CA6: variants seen among roughly 807,000 people sequenced by gnomAD.
CA6 encodes the protein carbonic anhydrase 6.
In CA6, 28 loss-of-function variants were observed where a neutral mutation model predicts 35.9. The ratio of observed to expected loss-of-function variants is 0.78; its 90% CI spans 0.58 to 1.07. The LOEUF is 1.07. Among genes scored for constraint, CA6 ranks in the 50% least tolerant of loss-of-function variants. The pLI is 0.00. For synonymous variants in CA6, 148 were observed against 152.6 expected (o/e 0.97, Z 0.22); for missense variants, 377 against 382.0 (o/e 0.99, Z 0.11).
chr1:8,953,736 G>A (rs1260434554), intron 2 of CA6, among the ~76,000 whole-genome samples: 1 of 152,172 alleles, frequency 6.6e-6, no homozygotes, highest in Non-Finnish European at 1.5e-5. Flanking sequence ...AGTAATGTCA[G>A]AGGCGTTTGA....
chr1:8,966,890 GT>G (rs1440653023), intron 5 of CA6, among the ~76,000 whole-genome samples: 1 of 152,042 alleles, frequency 6.6e-6, no homozygotes, highest in Admixed American at 6.6e-5. Flanking sequence ...GCTGGGCTTG[GT>G]TTCCAGCGGT....
intron 7 of CA6, among the ~76,000 whole-genome samples, 158 bp downstream of exon 7, chr1:8,971,139 G>T (rs1230671740): frequency 6.6e-6 from 1 of 152,070 alleles, no homozygotes; most frequent in Non-Finnish European, 1.5e-5. Context: ...TGGGCAGAGG[G>T]TGATGACTTT....
intron 1 of CA6, among the ~76,000 whole-genome samples, chr1:8,947,188 C>T (rs1639388462): frequency 1.3e-5 from 2 of 152,082 alleles, no homozygotes; most frequent in South Asian, 2.1e-4. Context: ...AGCTAGAAGG[C>T]CGTGTCTGTG....
chr1:8,967,024 T>C (rs1457186520), intron 5 of CA6, among the ~76,000 whole-genome samples: 1 of 151,960 alleles, frequency 6.6e-6, no homozygotes, highest in Non-Finnish European at 1.5e-5. Flanking sequence ...GGCCTCCCTG[T>C]GTTGCCCAGG....
chr1:8,946,124 G>A (rs978476859), intron 1 of CA6, among the ~76,000 whole-genome samples, 159 bp downstream of exon 1: 2 of 151,498 alleles, frequency 1.3e-5, no homozygotes, highest in South Asian at 2.1e-4. Context: ...TGCAACCTCC[G>A]CCTCCCGGGT....
chr1:8,957,261 G>C lies in CA6; in HGVS notation c.384G>C (p.Val128=). The change falls in exon 3 of 8, where the codon GTG becomes GTC. Residue 128 remains valine (V), a synonymous_variant. Coordinates refer to ENST00000377443, the MANE Select transcript of CA6 (RefSeq NM_001215.4). The part of the protein sequence containing the change: ...SSEISGSEHT[V]DGIRHVIEIH... ...AGATCAGCGGCTCTGAGCACACCGT[G>C]GACGGGATCAGACATGTGATCGAGG... The C allele has an allele frequency of 6.2e-7, 1 of 1,613,760 alleles. No individual in the cohort carries two copies. Among genetic ancestry groups the C allele is most frequent in the Non-Finnish European group, 8.5e-7 (1 of 1,179,774 alleles).
At chr1:8,973,725 T>C (rs1436220549) in intron 7 of CA6, among the ~76,000 whole-genome samples, 1 of 15,504 alleles carries the variant, frequency 6.4e-5, no homozygotes, top group African/African-American at 4.2e-4. Context: ...TCTTTCTTTC[T>C]TTCTTTCTTT....
At chr1:8,969,604 T>C (rs746784376) in intron 6 of CA6, among the ~76,000 whole-genome samples, 4 of 152,134 alleles carry the variant, frequency 2.6e-5, no homozygotes, top group Non-Finnish European at 4.4e-5. Context: ...TATTCAAGAA[T>C]GCCAATTAGT....
In CA6 at chr1:8,949,221, C is replaced by T. The variant is rs534654211; in HGVS notation, c.80-42C>T. On this transcript the variant is annotated intron_variant, in intron 1 of 7. Coordinates refer to ENST00000377443, the MANE Select transcript of CA6 (RefSeq NM_001215.4). The stretch of plus-strand genomic sequence containing the variant: ...CCTGGTGAGGTTCCTCCAGAGTGGG[C>T]GCAGCCAGGCAGCCCCTTGAACTGT... 368 of 1,484,420 alleles carry T rather than the reference C, an allele frequency of 2.5e-4. 3 individuals carry two copies. The South Asian group carries it at 4.4e-3, about 18-fold the overall frequency. 92.0% of individuals were successfully genotyped at this position (1,484,420 alleles called of 1,614,324 possible).
chr1:8,964,498 G>A (rs560601251), intron 5 of CA6, among the ~76,000 whole-genome samples: 9 of 152,140 alleles, frequency 5.9e-5, no homozygotes, highest in South Asian at 2.1e-4. Flanking sequence ...TACCCGCCTC[G>A]GCCTCCCAAA....
intron 6 of CA6, 76 bp downstream of exon 6, chr1:8,967,892 A>ACGAACGT: frequency 7.3e-7 from 1 of 1,377,298 alleles, no homozygotes; most frequent in South Asian, 1.3e-5. Flanking sequence ...CAGCATCTCA[A>ACGAACGT]CGAACGTCAA....
chr1:8,966,619 T>C (rs1211739407), intron 5 of CA6, among the ~76,000 whole-genome samples: 3 of 152,334 alleles, frequency 2.0e-5, no homozygotes, highest in Admixed American at 6.5e-5. Context: ...CTCTGAGACA[T>C]TGTGGCCTTG....
intron 4 of CA6, among the ~76,000 whole-genome samples, chr1:8,959,611 G>A (rs1639780807): frequency 6.6e-6 from 1 of 151,834 alleles, no homozygotes; most frequent in African/African-American, 2.4e-5. Context: ...ACCAGGCCCA[G>A]TCAACACCTC....
At chr1:8,969,008 A>C (rs1409088633) in intron 6 of CA6, among the ~76,000 whole-genome samples, 1 of 147,300 alleles carries the variant, frequency 6.8e-6, no homozygotes, top group Non-Finnish European at 1.5e-5. Flanking sequence ...ACAGAGCAAA[A>C]CCCTGTCTCA....
At chr1:8,953,550 A>G (rs1639595285) in intron 2 of CA6, among the ~76,000 whole-genome samples, 1 of 152,162 alleles carries the variant, frequency 6.6e-6, no homozygotes, top group Non-Finnish European at 1.5e-5. Flanking sequence ...GCAGCTTGGG[A>G]GGTCAAGGCT....
rs1372764903 is a variant in CA6 at position 8,973,775 on chromosome 1, TC to T, written c.845-846del. On this transcript the variant is annotated intron_variant, in intron 7 of 7. Coordinates refer to ENST00000377443, the MANE Select transcript of CA6 (RefSeq NM_001215.4). ...TTCTTTCTTTCTTTCTTTCTTTCTT[TC>T]TTTCTTTCTTTTCCCTCCCTCCCTC... 4.1e-4 allele frequency among the ~76,000 whole-genome samples: 7 copies of T among 17,118 alleles called. 1 individual carries two copies. Among genetic ancestry groups the T allele is most frequent in the African/African-American group, 2.7e-3 (4 of 1,478 alleles). The allele number at this position is 17,118 out of a possible 152,430, so 11.2% of individuals were successfully genotyped here.
intron 6 of CA6, among the ~76,000 whole-genome samples, chr1:8,968,478 GA>G (rs550435232): frequency 1.2e-4 from 18 of 147,064 alleles, no homozygotes; most frequent in Non-Finnish European, 2.1e-4. Flanking sequence ...GCTCAATTAA[GA>G]AAAAAAAATA....
intron 4 of CA6, among the ~76,000 whole-genome samples, chr1:8,959,314 C>T (rs1467093477): frequency 1.3e-5 from 2 of 150,214 alleles, no homozygotes; most frequent in East Asian, 1.9e-4. Flanking sequence ...CTCTGCATTT[C>T]CTTTTTTTTT....
chr1:8,946,333 A>G lies in CA6; in HGVS notation c.79+368A>G, dbSNP rs115373323. Among the ~76,000 whole-genome samples, 1,179 of 151,496 alleles carry G rather than the reference A, an allele frequency of 7.8e-3. 23 individuals carry two copies. Among genetic ancestry groups the G allele is most frequent in the African/African-American group, 0.028 (1,138 of 40,862 alleles). ...AGGCATGAGCCATTGCGCCCGGCCA[A>G]GAGTCCTCCTTTAGGGCATTTCACA... is the stretch of plus-strand genomic sequence containing the variant. On this transcript the variant is annotated intron_variant, in intron 1 of 7. Coordinates refer to ENST00000377443, the MANE Select transcript of CA6 (RefSeq NM_001215.4).
Sources: allele counts gnomAD v4.1 joint callset (sites outside exome capture counted in the v4.1 genomes callset), GRCh38; gene constraint gnomAD v4.1.1; transcripts MANE v1.5; gene names NCBI Gene and HGNC (gene_info 2026-07-23, HGNC 2026-07-21).